The following PCDH15 variants were observed in gnomAD, a reference collection of about 807,000 sequenced individuals.
PCDH15 encodes the protein protocadherin related 15.
In PCDH15, 129 loss-of-function variants were observed where a neutral mutation model predicts 178.5. The ratio of observed to expected loss-of-function variants is 0.72; its 90% CI spans 0.63 to 0.84. The LOEUF (loss-of-function observed/expected upper bound fraction) is 0.84. Among genes scored for constraint, PCDH15 ranks in the 40% least tolerant of loss-of-function variants. The pLI, the probability that PCDH15 is intolerant of heterozygous loss-of-function variation, is 0.00. For synonymous variants in PCDH15, 800 were observed against 732.0 expected, an observed-to-expected ratio of 1.09 and a Z score of -1.50; for missense variants, 2,230 against 2,099.9, an observed-to-expected ratio of 1.06 and a Z score of -1.21.
chr10:54,142,347 T>C (rs2043489347), intron 14 of PCDH15, among the ~76,000 whole-genome samples: 1 of 152,166 alleles, frequency 6.6e-6, no homozygotes, highest in Admixed American at 6.5e-5. Context: ...TTTTGAGCAT[T>C]GATACCAGTC....
intron 2 of PCDH15, among the ~76,000 whole-genome samples, chr10:54,583,599 T>C (rs2091226712): frequency 6.6e-6 from 1 of 152,060 alleles, no homozygotes; most frequent in African/African-American, 2.4e-5. Context: ...TCCAAACACA[T>C]AGAAATTCTA....
chr10:55,296,132 T>A (rs375885810), intron 1 of PCDH15, among the ~76,000 whole-genome samples: 2 of 152,120 alleles, frequency 1.3e-5, no homozygotes, highest in East Asian at 3.8e-4. Context: ...GTGTGGATTA[T>A]GGGGTGTGGA....
chr10:55,023,867 C>CTA (rs1460654373), intron 2 of PCDH15, among the ~76,000 whole-genome samples: 2 of 106,952 alleles, frequency 1.9e-5, no homozygotes, highest in Non-Finnish European at 4.1e-5. Flanking sequence ...ATATTCCTTC[C>CTA]TATATATATA....
rs545896589 is a variant in PCDH15, at chr10:54,183,827, G to T, written c.1441-234C>A. On this transcript the variant is annotated intron_variant, in intron 12 of 37. Transcript: ENST00000644397. ...TTTGTTTTAAGGTATTCAACTCCAG[G>T]CATATTTTAAATAATCAGATATGCA... is the stretch of plus-strand genomic sequence containing the variant. Among the ~76,000 whole-genome samples, 67 of 152,204 alleles carry T rather than the reference G, an allele frequency of 4.4e-4. 3 individuals carry two copies. In the South Asian group the frequency reaches 0.014, roughly 31 times the overall value.
intron 3 of PCDH15, among the ~76,000 whole-genome samples, chr10:54,837,134 C>A (rs942636913): frequency 2.0e-5 from 3 of 152,016 alleles, no homozygotes; most frequent in African/African-American, 7.2e-5. Context: ...AACTAAATTT[C>A]ATTAAAAAGA....
rs1158795498 is a variant in PCDH15 at position 55,374,688 on chromosome 10, C to A, written c.-155-208037G>T. Among the ~76,000 whole-genome samples the A allele has an allele frequency of 3.3e-5, 5 of 151,840 alleles. No homozygotes were observed. In the East Asian group the frequency reaches 7.7e-4, roughly 23 times the overall value. On this transcript the variant is annotated intron_variant, in intron 2 of 5. Transcript: ENST00000613346. ...ATAAAAAGATTCTATACAGTTACTA[C>A]CCATGAATACAAAAAGGGATGAAAT... is the stretch of plus-strand genomic sequence containing the variant.
intron 2 of PCDH15, among the ~76,000 whole-genome samples, chr10:55,353,887 C>T (rs1427578827): frequency 1.3e-5 from 2 of 152,050 alleles, no homozygotes; most frequent in African/African-American, 4.8e-5. Flanking sequence ...TCCTTTCTCT[C>T]TTATAAAAAT....
upstream of PCDH15, among the ~76,000 whole-genome samples, chr10:54,804,927 TTATATATATATATA>T (rs71014419): frequency 2.0e-5 from 1 of 50,848 alleles, no homozygotes; most frequent in African/African-American, 6.5e-5. Flanking sequence ...TCATAGTAGA[TTATATATATATATA>T]TATATATACA....
At chr10:55,207,921 G>C (rs1840449635) in intron 1 of PCDH15, among the ~76,000 whole-genome samples, 1 of 151,988 alleles carries the variant, frequency 6.6e-6, no homozygotes, top group African/African-American at 2.4e-5. Context: ...GTGAGGCGAG[G>C]CTGCACCACT....
intron 15 of PCDH15, among the ~76,000 whole-genome samples, chr10:54,108,426 CAGA>C (rs1453052775): frequency 1.3e-5 from 2 of 152,166 alleles, no homozygotes; most frequent in African/African-American, 2.4e-5. Flanking sequence ...TGCCGGCTCA[CAGA>C]AGGAGTATAT....
intron 2 of PCDH15, among the ~76,000 whole-genome samples, chr10:55,535,313 T>A (rs555401682): frequency 6.6e-6 from 1 of 152,126 alleles, no homozygotes; most frequent in South Asian, 2.1e-4. Context: ...TGAGGAACTG[T>A]AAATTTATAG....
At chr10:54,072,396 G>A (rs1011418125) in intron 17 of PCDH15, among the ~76,000 whole-genome samples, 11 of 152,166 alleles carry the variant, frequency 7.2e-5, no homozygotes, top group African/African-American at 2.4e-4. Flanking sequence ...ATGATGTAGA[G>A]TGGAGGTCCT....
intron 5 of PCDH15, among the ~76,000 whole-genome samples, chr10:54,367,966 G>C (rs989878834): frequency 6.6e-6 from 1 of 151,666 alleles, no homozygotes; most frequent in Non-Finnish European, 1.5e-5. Context: ...TTCAAAATAA[G>C]ATCATTTATA....
At chr10:53,907,538 CATT>C (rs1281904440) in intron 25 of PCDH15, among the ~76,000 whole-genome samples, 1 of 152,140 alleles carries the variant, frequency 6.6e-6, no homozygotes, top group African/African-American at 2.4e-5. Context: ...GGTTAAGAGA[CATT>C]ATAATTTTTC....
intron 2 of PCDH15, among the ~76,000 whole-genome samples, chr10:54,942,870 C>T (rs1838098832): frequency 6.6e-6 from 1 of 152,030 alleles, no homozygotes; most frequent in African/African-American, 2.4e-5. Context: ...AAACTTTACT[C>T]TGTGCTAGGT....
intron 8 of PCDH15, among the ~76,000 whole-genome samples, chr10:54,238,183 T>C (rs2054825770): frequency 6.6e-6 from 1 of 152,128 alleles, no homozygotes; most frequent in Admixed American, 6.5e-5. Context: ...TCTACAACCT[T>C]ACATTCTAAA....
At chr10:54,980,197 A>T (rs1167484801) in intron 2 of PCDH15, among the ~76,000 whole-genome samples, 1 of 152,194 alleles carries the variant, frequency 6.6e-6, no homozygotes, top group Non-Finnish European at 1.5e-5. Flanking sequence ...CAATAATGGA[A>T]TACTAGGCAT....
At chr10:54,620,750 G>A (rs1937402) in intron 2 of PCDH15, among the ~76,000 whole-genome samples, 81,243 of 151,806 alleles carry the variant, frequency 0.54, 21,798 homozygotes, top group Non-Finnish European at 0.55. Flanking sequence ...CTGTAGGATT[G>A]TCTGTATTTT....
intron 3 of PCDH15, among the ~76,000 whole-genome samples, chr10:54,486,974 C>T (rs2079156215): frequency 6.6e-6 from 1 of 151,998 alleles, no homozygotes; most frequent in African/African-American, 2.4e-5. Context: ...CAGAGAGCTG[C>T]AGTACTAGCT....
Sources: allele counts gnomAD v4.1 joint callset (sites outside exome capture counted in the v4.1 genomes callset), GRCh38; gene constraint gnomAD v4.1.1; transcripts MANE v1.5; gene names NCBI Gene and HGNC (gene_info 2026-07-23, HGNC 2026-07-21).